Variants in ARHGAP24 observed in about 807,000 individuals in gnomAD.
ARHGAP24 encodes rho GTPase-activating protein 24.
In ARHGAP24, 50 loss-of-function variants were observed where a neutral mutation model predicts 76.4. The observed-to-expected ratio is 0.65, with a 90% CI of 0.52 to 0.83. ARHGAP24 has a LOEUF of 0.83. Ranked by LOEUF, ARHGAP24 falls within the 40% of genes least tolerant of loss-of-function variation. The pLI, the probability that ARHGAP24 is intolerant of heterozygous loss-of-function variation, is 0.00. For missense variants in ARHGAP24, 930 were observed against 914.2 expected (o/e 1.02, Z -0.22); for synonymous variants, 345 against 323.3 (o/e 1.07, Z -0.72).
At chr4:85,580,038 T>C (rs1466404988) in intron 2 of ARHGAP24, among the ~76,000 whole-genome samples, 1 of 152,144 alleles carries the variant, frequency 6.6e-6, no homozygotes, top group Non-Finnish European at 1.5e-5. Context: ...GCCGATCATT[T>C]TTATTCAATT....
At chr4:85,901,063 T>C (rs1331009803) in intron 3 of ARHGAP24, among the ~76,000 whole-genome samples, 1 of 152,192 alleles carries the variant, frequency 6.6e-6, no homozygotes. Flanking sequence ...ATATTTTATA[T>C]CAATTTGAAA....
intron 4 of ARHGAP24, chr4:85,930,730 G>GTT: frequency 1.6e-6 from 2 of 1,279,202 alleles, no homozygotes; most frequent in South Asian, 2.6e-5. Flanking sequence ...AGAAAAGGAA[G>GTT]TTTTTTTTTG....
At chr4:85,783,549 A>T (rs1214059545) in intron 3 of ARHGAP24, among the ~76,000 whole-genome samples, 1 of 152,064 alleles carries the variant, frequency 6.6e-6, no homozygotes, top group Non-Finnish European at 1.5e-5. Flanking sequence ...TTTCAGTCTA[A>T]TATCTGTATC....
intron 3 of ARHGAP24, among the ~76,000 whole-genome samples, chr4:85,777,464 G>T (rs188958680): frequency 7.2e-5 from 11 of 152,288 alleles, no homozygotes; most frequent in Non-Finnish European, 1.5e-4. Context: ...CAGATCAAAT[G>T]GAAAGATTAA....
At chr4:85,810,283 CATGTG>C (rs1373168614) in intron 3 of ARHGAP24, among the ~76,000 whole-genome samples, 2 of 152,182 alleles carry the variant, frequency 1.3e-5, no homozygotes, top group Non-Finnish European at 2.9e-5. Context: ...TATTTCTTCA[CATGTG>C]AAATAACAGG....
intron 3 of ARHGAP24, among the ~76,000 whole-genome samples, chr4:85,902,668 A>AT (rs1734567253): frequency 6.6e-6 from 1 of 152,064 alleles, no homozygotes; most frequent in Non-Finnish European, 1.5e-5. Flanking sequence ...CAATGGTGCG[A>AT]TTTTGGCTCA....
intron 1 of ARHGAP24, among the ~76,000 whole-genome samples, chr4:85,521,842 G>T (rs1328066158): frequency 2.0e-5 from 3 of 152,084 alleles, no homozygotes; most frequent in Non-Finnish European, 4.4e-5. Flanking sequence ...CATTGAAGAG[G>T]CCAATGTAGT....
At chr4:85,896,536 C>T (rs1408367225) in intron 3 of ARHGAP24, among the ~76,000 whole-genome samples, 1 of 152,164 alleles carries the variant, frequency 6.6e-6, no homozygotes, top group Non-Finnish European at 1.5e-5. Flanking sequence ...GAAGAGGATG[C>T]TGGATTCTTC....
chr4:85,514,999 G>A (rs1199911624), intron 1 of ARHGAP24, among the ~76,000 whole-genome samples: 1 of 152,010 alleles, frequency 6.6e-6, no homozygotes. Flanking sequence ...GGGTGCTTAC[G>A]GAGCGGGGGA....
intron 3 of ARHGAP24, among the ~76,000 whole-genome samples, chr4:85,771,568 C>G (rs1727130710): frequency 6.6e-6 from 1 of 152,224 alleles, no homozygotes; most frequent in Admixed American, 6.5e-5. Context: ...TAATGTTTTA[C>G]CAGCTATCTG....
rs10009686 is a variant in ARHGAP24 at position 85,593,578 on chromosome 4, C to T, written c.180+22857C>T. Among the ~76,000 whole-genome samples the T allele has an allele frequency of 2.6e-3, 394 of 152,190 alleles. 1 individual carries two copies. Among genetic ancestry groups the T allele is most frequent in the African/African-American group, 8.9e-3 (370 of 41,538 alleles). The stretch of plus-strand genomic sequence containing the variant: ...TCCCCAATACTTCTTTTAGTAGTTT[C>T]ATAGTTTGAAGTCTTATACTTAAAT... On this transcript the variant is annotated intron_variant, in intron 2 of 9. Transcript: ENST00000395184.
intron 2 of ARHGAP24, among the ~76,000 whole-genome samples, chr4:85,620,151 C>T (rs886786844): frequency 6.6e-6 from 1 of 151,944 alleles, no homozygotes; most frequent in South Asian, 2.1e-4. Flanking sequence ...GCTTTGGTAT[C>T]AGGATAATCC....
intron 3 of ARHGAP24, among the ~76,000 whole-genome samples, chr4:85,764,415 T>C (rs890683214): frequency 6.6e-6 from 1 of 152,168 alleles, no homozygotes; most frequent in Non-Finnish European, 1.5e-5. Context: ...AATATTAATG[T>C]GATGGAGTCA....
At chr4:85,500,651 T>C (rs1481115496) in intron 1 of ARHGAP24, among the ~76,000 whole-genome samples, 1 of 152,164 alleles carries the variant, frequency 6.6e-6, no homozygotes, top group South Asian at 2.1e-4. Flanking sequence ...AATTAAGCAA[T>C]AACTATGAAT....
intron 2 of ARHGAP24, among the ~76,000 whole-genome samples, chr4:85,588,685 A>G (rs532874499): frequency 1.1e-4 from 16 of 152,364 alleles, no homozygotes; most frequent in African/African-American, 3.4e-4. Context: ...AGAAGTATAT[A>G]TTATTGACTT....
chr4:85,925,743 G>A (rs906326263), intron 4 of ARHGAP24, among the ~76,000 whole-genome samples: 2 of 152,130 alleles, frequency 1.3e-5, no homozygotes, highest in Admixed American at 6.5e-5. Context: ...GATTTCCGGT[G>A]TCCAGTGGGG....
At chr4:85,769,879 G>C (rs34422670) in intron 3 of ARHGAP24, among the ~76,000 whole-genome samples, 1 of 152,040 alleles carries the variant, frequency 6.6e-6, no homozygotes, top group African/African-American at 2.4e-5. Context: ...GAGCCACCGC[G>C]CCTGGCCAGT....
intron 2 of ARHGAP24, among the ~76,000 whole-genome samples, chr4:85,707,366 T>G (rs1440097186): frequency 6.6e-6 from 1 of 152,238 alleles, no homozygotes; most frequent in Non-Finnish European, 1.5e-5. Context: ...GAGAAATGTT[T>G]GAATGCGTCC....
At chr4:85,931,427 C>G (rs958266922) in intron 4 of ARHGAP24, among the ~76,000 whole-genome samples, 1 of 152,172 alleles carries the variant, frequency 6.6e-6, no homozygotes, top group African/African-American at 2.4e-5. Flanking sequence ...AATCCCTGTG[C>G]TGTGTTCCCG....
Sources: allele counts gnomAD v4.1 joint callset (sites outside exome capture counted in the v4.1 genomes callset), GRCh38; gene constraint gnomAD v4.1.1; transcripts MANE v1.5; gene names NCBI Gene and HGNC (gene_info 2026-07-23, HGNC 2026-07-21).